Variants in ARHGAP42 observed in about 807,000 individuals in gnomAD.
ARHGAP42 encodes the protein Rho GTPase activating protein 42.
A neutral mutation model predicts 125.0 loss-of-function variants in ARHGAP42; 63 were observed. The observed-to-expected ratio is 0.50, with a 90% CI of 0.41 to 0.62. ARHGAP42 has a LOEUF of 0.62. Ranked by LOEUF, ARHGAP42 falls within the 20% of genes least tolerant of loss-of-function variation. The pLI is 0.00. For synonymous variants in ARHGAP42, 339 were observed against 351.0 expected (o/e 0.97, Z 0.38); for missense variants, 766 against 1,024.2 (o/e 0.75, Z 3.44).
chr11:100,727,499 A>T (rs984915346), intron 1 of ARHGAP42, among the ~76,000 whole-genome samples: 17 of 152,200 alleles, frequency 1.1e-4, no homozygotes, highest in African/African-American at 3.9e-4. Flanking sequence ...AGTCCGCCAC[A>T]ATTAGAAGCC....
intron 3 of ARHGAP42, among the ~76,000 whole-genome samples, chr11:100,845,521 A>G (rs1297018072): frequency 1.3e-5 from 2 of 152,114 alleles, no homozygotes; most frequent in Non-Finnish European, 2.9e-5. Context: ...ACTAAAAAAT[A>G]AAACTTAGGT....
At chr11:100,885,160 C>A (rs2135182839) in intron 4 of ARHGAP42, among the ~76,000 whole-genome samples, 1 of 152,294 alleles carries the variant, frequency 6.6e-6, no homozygotes. Flanking sequence ...CTGCTGTTCC[C>A]TGTGGCACTA....
chr11:100,782,275 A>G (rs1397036683), intron 2 of ARHGAP42, among the ~76,000 whole-genome samples: 1 of 152,230 alleles, frequency 6.6e-6, no homozygotes, highest in African/African-American at 2.4e-5. Flanking sequence ...TCATTATAAC[A>G]TGGAAGTCTT....
At chr11:100,700,877 T>C (rs2120202815) in intron 1 of ARHGAP42, among the ~76,000 whole-genome samples, 1 of 152,368 alleles carries the variant, frequency 6.6e-6, no homozygotes, top group South Asian at 2.1e-4. Flanking sequence ...CAATGATATT[T>C]AGAATGGTGA....
chr11:100,727,995 G>A (rs542937111), intron 1 of ARHGAP42, among the ~76,000 whole-genome samples: 1 of 152,270 alleles, frequency 6.6e-6, no homozygotes, highest in East Asian at 1.9e-4. Flanking sequence ...AACCTGGTTG[G>A]TATCGGAATT....
chr11:100,903,019 C>T (rs1866594870), intron 4 of ARHGAP42, among the ~76,000 whole-genome samples: 1 of 151,858 alleles, frequency 6.6e-6, no homozygotes, highest in South Asian at 2.1e-4. Context: ...CTGGCTGGCT[C>T]CTCACGCTGC....
At chr11:100,803,328 A>G (rs936012254) in intron 3 of ARHGAP42, among the ~76,000 whole-genome samples, 7 of 152,144 alleles carry the variant, frequency 4.6e-5, no homozygotes, top group African/African-American at 1.7e-4. Context: ...GGCTGGAGAT[A>G]TAAATTTAGG....
chr11:100,811,593 G>A (rs190328585), intron 3 of ARHGAP42, among the ~76,000 whole-genome samples: 61 of 147,546 alleles, frequency 4.1e-4, no homozygotes, highest in African/African-American at 1.3e-3. Context: ...CAACTCCCCC[G>A]GGCTCAAGTG....
At chr11:100,699,508 T>A (rs11224397) in intron 1 of ARHGAP42, among the ~76,000 whole-genome samples, 21 of 34,786 alleles carry the variant, frequency 6.0e-4, no homozygotes, top group African/African-American at 2.7e-3. Flanking sequence ...ATATATATAT[T>A]TTTTTTTTTT....
intron 4 of ARHGAP42, among the ~76,000 whole-genome samples, chr11:100,891,813 T>G (rs1186730752): frequency 2.6e-5 from 4 of 152,064 alleles, no homozygotes; most frequent in African/African-American, 9.7e-5. Context: ...AATGCCGAGT[T>G]AGAGGTACAC....
At chr11:100,901,516 A>G (rs1433808572) in intron 4 of ARHGAP42, among the ~76,000 whole-genome samples, 2 of 152,096 alleles carry the variant, frequency 1.3e-5, no homozygotes, top group Non-Finnish European at 2.9e-5. Context: ...CCCTGCCCAT[A>G]GATGTGGAGT....
At chr11:100,730,803 G>A (rs1004353314) in intron 1 of ARHGAP42, among the ~76,000 whole-genome samples, 1 of 152,154 alleles carries the variant, frequency 6.6e-6, no homozygotes, top group Non-Finnish European at 1.5e-5. Flanking sequence ...GCACACCTAG[G>A]CTATATGATA....
intron 1 of ARHGAP42, among the ~76,000 whole-genome samples, chr11:100,740,998 G>A (rs946997422): frequency 2.0e-5 from 3 of 152,228 alleles, no homozygotes; most frequent in East Asian, 1.9e-4. Flanking sequence ...CTCCTTTGCA[G>A]ATTACATAAA....
At chr11:100,738,555 G>A (rs546416537) in intron 1 of ARHGAP42, 3 of 152,284 alleles carry the variant, frequency 2.0e-5, no homozygotes, top group African/African-American at 7.2e-5. Context: ...TTCCATCAAA[G>A]CAGTATTGCT....
intron 1 of ARHGAP42, among the ~76,000 whole-genome samples, chr11:100,700,210 C>T (rs1399697641): frequency 6.6e-6 from 1 of 152,152 alleles, no homozygotes; most frequent in Admixed American, 6.5e-5. Flanking sequence ...AATGTGCAGA[C>T]CTTAATTACA....
intron 5 of ARHGAP42, among the ~76,000 whole-genome samples, chr11:100,917,662 C>G (rs1173548690): frequency 6.6e-6 from 1 of 152,144 alleles, no homozygotes; most frequent in Non-Finnish European, 1.5e-5. Context: ...ACCTCCACCT[C>G]TTGGGTCCAA....
chr11:100,961,578 G>A, intron 14 of ARHGAP42, 106 bp from the exon 15 acceptor site: 5 of 913,128 alleles, frequency 5.5e-6, no homozygotes, highest in Non-Finnish European at 8.3e-6. Context: ...TCTAAGAAAT[G>A]AATACCTCTC....
chr11:100,771,707 T>C (rs1055966588), intron 2 of ARHGAP42, among the ~76,000 whole-genome samples: 1 of 151,962 alleles, frequency 6.6e-6, no homozygotes, highest in Non-Finnish European at 1.5e-5. Flanking sequence ...CAAGCAATTC[T>C]CCTGCCTCAG....
chr11:100,760,411 A>C (rs1862674317), intron 1 of ARHGAP42, among the ~76,000 whole-genome samples: 1 of 152,156 alleles, frequency 6.6e-6, no homozygotes, highest in Admixed American at 6.6e-5. Flanking sequence ...TTAAAATGAA[A>C]TTAAAGGCTA....
Sources: allele counts gnomAD v4.1 joint callset (sites outside exome capture counted in the v4.1 genomes callset), GRCh38; gene constraint gnomAD v4.1.1; transcripts MANE v1.5; gene names NCBI Gene and HGNC (gene_info 2026-07-23, HGNC 2026-07-21).